The following PCDHA5 variants were observed in gnomAD, a reference collection of about 807,000 sequenced individuals.
PCDHA5 encodes protocadherin alpha 5.
PCDHA5 carries 43 observed loss-of-function variants against 61.6 expected under a neutral mutation model. That is an observed-to-expected ratio of 0.70 (90% CI 0.55 to 0.90). The LOEUF (loss-of-function observed/expected upper bound fraction) is 0.90. Ranked by LOEUF, PCDHA5 falls within the 40% of genes least tolerant of loss-of-function variation. The pLI is 0.00. For missense variants in PCDHA5, 1,298 were observed against 1,222.7 expected (o/e 1.06, Z -0.92); for synonymous variants, 627 against 543.9 (o/e 1.15, Z -2.13).
intron 1 of PCDHA5, chr5:140,841,776 T>C (rs2150322536): frequency 6.2e-7 from 1 of 1,613,906 alleles, no homozygotes; most frequent in Admixed American, 1.7e-5. Flanking sequence ...GACTCTCGGT[T>C]TCCGCTAGAG....
At chr5:140,986,393 C>T (rs1554248003) in intron 3 of PCDHA5, among the ~76,000 whole-genome samples, 1 of 152,148 alleles carries the variant, frequency 6.6e-6, no homozygotes, top group Non-Finnish European at 1.5e-5. Context: ...ATTAAAGGGC[C>T]AGTCGCTCAT....
chr5:140,970,141 G>T, intron 1 of PCDHA5, among the ~76,000 whole-genome samples: 1 of 152,166 alleles, frequency 6.6e-6, no homozygotes, highest in East Asian at 1.9e-4. Context: ...AAGGGAAAAA[G>T]AATTCTCCCA....
intron 3 of PCDHA5, among the ~76,000 whole-genome samples, chr5:140,994,342 T>C (rs571225967): frequency 1.3e-5 from 2 of 152,288 alleles, no homozygotes; most frequent in South Asian, 4.1e-4. Flanking sequence ...ACAGTGGATG[T>C]TGTGGGACCT....
chr5:140,871,487 C>A, intron 1 of PCDHA5: 1 of 1,591,808 alleles, frequency 6.3e-7, no homozygotes, highest in South Asian at 1.1e-5. Flanking sequence ...TCAAATCACC[C>A]CGGACAGGTG....
At chr5:140,841,420 C>T in intron 1 of PCDHA5, 2 of 1,613,022 alleles carry the variant, frequency 1.2e-6, no homozygotes, top group African/African-American at 1.3e-5. Context: ...AGCTCCACTA[C>T]TCCGTCCCCG....
Position 140,974,189 on chromosome 5 carries a change from G to T in PCDHA5, c.2353-4760G>T, listed in dbSNP as rs146863475. On this transcript the variant is annotated intron_variant, in intron 1 of 3. Transcript: ENST00000529859. ...AGAATTTTAACTTGACAAATGCAAA[G>T]GAATATCCAACATTGCAAAGGTAAA... Among the ~76,000 whole-genome samples the T allele has an allele frequency of 7.6e-3, 1,163 of 152,258 alleles. 4 individuals carry two copies. The highest frequency in any genetic ancestry group is 0.014 in the Middle Eastern group (4 of 294).
intron 1 of PCDHA5, among the ~76,000 whole-genome samples, chr5:140,904,463 AT>A (rs2071154368): frequency 6.6e-6 from 1 of 151,520 alleles, no homozygotes; most frequent in Non-Finnish European, 1.5e-5. Flanking sequence ...ACACTTGTTG[AT>A]TGGTGGCTAT....
intron 1 of PCDHA5, among the ~76,000 whole-genome samples, chr5:140,941,374 T>C (rs1188935172): frequency 6.7e-6 from 1 of 148,216 alleles, no homozygotes; most frequent in African/African-American, 2.5e-5. Flanking sequence ...TGGAGTGTAG[T>C]GACAGGATTT....
Position 140,823,119 on chromosome 5 carries a change from C to A in PCDHA5, c.1344C>A (p.Asn448Lys). Residue 448 changes from asparagine to lysine, a missense_variant, in exon 1 of 4, where the codon AAC becomes AAA. Transcript: ENST00000529859. ...TGTCTGTGGAAGTGGCCGACGTGAA[C>A]GACAACGCTCCGGCGTTCGCGCAGC... ...ASVSVEVADV[N>K]DNAPAFAQPQ... The A allele has an allele frequency of 6.2e-7, 1 of 1,614,054 alleles. No individual in the cohort carries two copies. The highest frequency in any genetic ancestry group is 8.5e-7 in the Non-Finnish European group (1 of 1,179,978).
intron 1 of PCDHA5, among the ~76,000 whole-genome samples, chr5:140,936,282 T>C (rs781971653): frequency 6.6e-6 from 1 of 152,250 alleles, no homozygotes; most frequent in Non-Finnish European, 1.5e-5. Context: ...CTGTGTTTTC[T>C]TCTATAACAT....
intron 1 of PCDHA5, chr5:140,852,931 T>C: frequency 1.6e-6 from 1 of 623,668 alleles, no homozygotes; most frequent in Non-Finnish European, 2.1e-6. Context: ...CAGGCTGGAG[T>C]GCAGTGGTGC....
intron 1 of PCDHA5, among the ~76,000 whole-genome samples, chr5:140,956,861 A>T (rs2095316106): frequency 6.6e-6 from 1 of 152,194 alleles, no homozygotes; most frequent in Non-Finnish European, 1.5e-5. Flanking sequence ...TGGTTGAATG[A>T]ATGTGTGAAA....
At chr5:140,920,249 G>A (rs782292641) in intron 1 of PCDHA5, among the ~76,000 whole-genome samples, 15 of 152,174 alleles carry the variant, frequency 9.9e-5, no homozygotes, top group Admixed American at 3.3e-4. Context: ...ACAATACATC[G>A]CTATAATAAT....
At chr5:140,830,439 TGG>T (rs1771067037) in intron 1 of PCDHA5, 1 of 1,611,042 alleles carries the variant, frequency 6.2e-7, no homozygotes. Flanking sequence ...CCTATTATGA[TGG>T]GTAAGGCGGA....
rs1319911388 is a variant in PCDHA5, at chr5:140,842,060, T to C, written c.2352+17933T>C. 10 of 1,613,880 alleles carry C rather than the reference T, an allele frequency of 6.2e-6. No homozygotes were observed. The East Asian group carries it at 8.9e-5, about 14-fold the overall frequency. Reference sequence around the variant, plus strand: ...TGCTCCCACTTTCGAACAGTCTGAATACGAAGTAAGAATATTCGAAAACGC... The same window carrying C: ...TGCTCCCACTTTCGAACAGTCTGAACACGAAGTAAGAATATTCGAAAACGC... On this transcript the variant is annotated intron_variant, in intron 1 of 3. Transcript: ENST00000529859.
chr5:140,872,320 A>G (rs1409087290), intron 1 of PCDHA5, among the ~76,000 whole-genome samples: 1 of 152,166 alleles, frequency 6.6e-6, no homozygotes, highest in Admixed American at 6.5e-5. Context: ...TATGGAAATA[A>G]TATGACTAAA....
chr5:140,954,025 C>T (rs533473552), intron 1 of PCDHA5, among the ~76,000 whole-genome samples: 385 of 152,188 alleles, frequency 2.5e-3, no homozygotes, highest in Middle Eastern at 0.014. Context: ...CATAGTGGGA[C>T]GATGTGGTAT....
chr5:140,966,176 T>G (rs2095977016), intron 1 of PCDHA5: 1 of 188,102 alleles, frequency 5.3e-6, no homozygotes, highest in African/African-American at 2.3e-5. Context: ...CCTGGGGAGC[T>G]GATAGCCAGA....
intron 1 of PCDHA5, chr5:140,869,060 T>C (rs1490534322): frequency 2.6e-6 from 4 of 1,556,804 alleles, no homozygotes; most frequent in East Asian, 2.2e-5. Context: ...AATCTGGTAC[T>C]GTAAGTGTAA....
Sources: allele counts gnomAD v4.1 joint callset (sites outside exome capture counted in the v4.1 genomes callset), GRCh38; gene constraint gnomAD v4.1.1; transcripts MANE v1.5; gene names NCBI Gene and HGNC (gene_info 2026-07-23, HGNC 2026-07-21).